NCK1: variants seen among roughly 807,000 people sequenced by gnomAD.
The protein encoded by NCK1 is SH2/SH3 adapter protein NCK1.
In NCK1, 19 loss-of-function variants were observed where a neutral mutation model predicts 36.6. That is an observed-to-expected ratio of 0.52 (90% CI 0.36 to 0.76). The LOEUF is 0.76. NCK1 is among the 30% of genes least tolerant of loss of function. NCK1 has a pLI of 0.00. For synonymous variants in NCK1, 165 were observed against 156.0 expected (o/e 1.06, Z -0.43); for missense variants, 358 against 445.6 (o/e 0.80, Z 1.77).
intron 1 of NCK1, among the ~76,000 whole-genome samples, chr3:136,878,656 A>G (rs866247016): frequency 2.0e-5 from 3 of 151,976 alleles, no homozygotes; most frequent in Middle Eastern, 3.2e-3. Flanking sequence ...ATTGAATTGT[A>G]TACTTTAAAT....
At chr3:136,939,984 TG>T (rs1016028850) in intron 2 of NCK1, among the ~76,000 whole-genome samples, 1 of 151,958 alleles carries the variant, frequency 6.6e-6, no homozygotes, top group African/African-American at 2.4e-5. Flanking sequence ...CCTGAGTAGC[TG>T]GAACTACAGG....
At chr3:136,943,488 C>A (rs914433695) in intron 2 of NCK1, among the ~76,000 whole-genome samples, 1 of 152,214 alleles carries the variant, frequency 6.6e-6, no homozygotes, top group African/African-American at 2.4e-5. Context: ...GCAAAGAGAT[C>A]TGGGAACCTT....
chr3:136,923,392 A>G (rs1940162416), intron 1 of NCK1, among the ~76,000 whole-genome samples: 1 of 151,990 alleles, frequency 6.6e-6, no homozygotes, highest in South Asian at 2.1e-4. Flanking sequence ...CGTCTCCACT[A>G]AAAATACAAA....
At chr3:136,932,300 C>T (rs1413785881) in intron 2 of NCK1, among the ~76,000 whole-genome samples, 2 of 152,078 alleles carry the variant, frequency 1.3e-5, no homozygotes, top group Non-Finnish European at 2.9e-5. Context: ...TCAATCCCTG[C>T]AGCAACCCCA....
At chr3:136,888,512 C>T (rs945602211) in intron 1 of NCK1, among the ~76,000 whole-genome samples, 3 of 151,958 alleles carry the variant, frequency 2.0e-5, no homozygotes, top group South Asian at 2.1e-4. Flanking sequence ...AAGTGATTCT[C>T]CTGCCTCAGC....
At position 136,949,809 on chromosome 3, in the gene NCK1, G is replaced by A. The variant is rs534288766; in HGVS notation, c.*1356G>A. The A allele has an allele frequency of 7.4e-4, 111 of 150,912 alleles. No individual in the cohort carries two copies. The highest frequency in any genetic ancestry group is 7.3e-4 in the Admixed American group (11 of 14,992). The allele number at this position is 150,912 out of a possible 1,614,324, so 9.3% of individuals were successfully genotyped here. A position where few individuals can be genotyped will look rare whatever the true frequency, so the allele number is the denominator to read the frequency against. ...AGATATCTAATACGCCAGAATTACT[G>A]ATGGTAAAATTGAAGTTGTGTAACT... On this transcript the variant is annotated 3_prime_UTR_variant, in exon 4 of 4. Transcript: ENST00000481752.
Position 136,949,951 on chromosome 3 carries a change from A to C in NCK1, c.*1498A>C, listed in dbSNP as rs1439842870. The C allele has an allele frequency of 6.6e-6, 1 of 152,064 alleles. No individual in the cohort carries two copies. Among genetic ancestry groups the C allele is most frequent in the Non-Finnish European group, 1.5e-5 (1 of 67,942 alleles). 9.4% of individuals were successfully genotyped at this position (152,064 alleles called of 1,614,324 possible). ...TCCCACTAAGCAACAGAAGTGACCA[A>C]ATATAATTAAGACAAATTTTCATCT... On this transcript the variant is annotated 3_prime_UTR_variant, in exon 4 of 4. Coordinates refer to ENST00000481752, the MANE Select transcript of NCK1 (RefSeq NM_001291999.2).
At chr3:136,867,104 CTTTCTTTCTTTCTTTGTTTCTTTCT>C (rs1560028457) in intron 1 of NCK1, among the ~76,000 whole-genome samples, 390 of 31,786 alleles carry the variant, frequency 0.012, 24 homozygotes, top group Middle Eastern at 0.037. Flanking sequence ...TTCTTTCTTT[CTTTCTTTCTTTCTTTGTTTCTTTCT>C]TTCCTTCCTT....
chr3:136,942,221 T>C (rs1343962396), intron 2 of NCK1, among the ~76,000 whole-genome samples: 2 of 152,232 alleles, frequency 1.3e-5, no homozygotes, highest in African/African-American at 4.8e-5. Flanking sequence ...ATGTTCTCCT[T>C]CATTTTTGAA....
intron 1 of NCK1, among the ~76,000 whole-genome samples, chr3:136,870,599 T>C (rs1938585361): frequency 1.3e-5 from 2 of 152,048 alleles, no homozygotes; most frequent in Middle Eastern, 3.4e-3. Context: ...TTAGAATATT[T>C]AGTGTACAAC....
chr3:136,914,063 A>T (rs1939896888), intron 1 of NCK1, among the ~76,000 whole-genome samples: 1 of 152,238 alleles, frequency 6.6e-6, no homozygotes, highest in Admixed American at 6.5e-5. Flanking sequence ...ATGAAGAAAT[A>T]AAAATAAAAG....
At chr3:136,934,888 G>A (rs1488088768) in intron 2 of NCK1, among the ~76,000 whole-genome samples, 1 of 152,132 alleles carries the variant, frequency 6.6e-6, no homozygotes, top group African/African-American at 2.4e-5. Context: ...GACTAGTCAA[G>A]GTTAAGAAGA....
chr3:136,934,578 G>A (rs994960753), intron 2 of NCK1, among the ~76,000 whole-genome samples: 16 of 152,034 alleles, frequency 1.1e-4, no homozygotes, highest in African/African-American at 2.4e-5. Context: ...GCACCACCGC[G>A]CCTGTCCTGT....
At chr3:136,932,884 A>G (rs1035429403) in intron 2 of NCK1, among the ~76,000 whole-genome samples, 2 of 152,252 alleles carry the variant, frequency 1.3e-5, no homozygotes, top group Admixed American at 6.5e-5. Context: ...CTTTGGCCCC[A>G]TTCTCAACAC....
At chr3:136,901,249 C>T (rs1939533107) in intron 1 of NCK1, among the ~76,000 whole-genome samples, 2 of 147,770 alleles carry the variant, frequency 1.4e-5, no homozygotes, top group Admixed American at 1.3e-4. Flanking sequence ...TGGGATAAAT[C>T]TCACTTCATT....
Position 136,877,321 on chromosome 3 carries a change from A to T in NCK1, c.-19+14968A>T, listed in dbSNP as rs1376477008. On this transcript the variant is annotated intron_variant, in intron 1 of 3. Coordinates refer to ENST00000481752, the MANE Select transcript of NCK1 (RefSeq NM_001291999.2). Reference sequence around the variant, plus strand: ...TCTGACGTGTTGGAATTAAGCAAGAAATGGATTACCAAAAAAACTAGAAAA... The same window carrying T: ...TCTGACGTGTTGGAATTAAGCAAGATATGGATTACCAAAAAAACTAGAAAA... Among the ~76,000 whole-genome samples the T allele has an allele frequency of 2.6e-5, 4 of 152,328 alleles. No individual in the cohort carries two copies. In the East Asian group the frequency reaches 7.7e-4, roughly 29 times the overall value.
intron 1 of NCK1, among the ~76,000 whole-genome samples, chr3:136,918,342 G>GAA (rs71626032): frequency 2.7e-5 from 4 of 149,526 alleles, no homozygotes; most frequent in Non-Finnish European, 5.9e-5. Context: ...AAATATTCTG[G>GAA]AAAAAAAAAT....
chr3:136,889,778 T>C (rs966872207), intron 1 of NCK1, among the ~76,000 whole-genome samples: 1 of 152,124 alleles, frequency 6.6e-6, no homozygotes, highest in African/African-American at 2.4e-5. Context: ...GGAGTGTCGA[T>C]TGGTGCATTC....
rs1349747000 is a variant in NCK1 at position 136,909,600 on chromosome 3, C to A, written c.-18-18384C>A. 2.0e-5 allele frequency among the ~76,000 whole-genome samples: 3 copies of A among 152,140 alleles called. No individual in the cohort carries two copies. The East Asian group carries it at 5.8e-4, about 29-fold the overall frequency. On this transcript the variant is annotated intron_variant, in intron 1 of 3. Coordinates refer to ENST00000481752, the MANE Select transcript of NCK1 (RefSeq NM_001291999.2). ...TGTTGTTGGATAGTGTTCTCTGATA[C>A]AGCTAATTGGTTTATAGTATTAAGT...
Sources: gnomAD v4.1 joint callset for allele counts (sites outside exome capture counted in the v4.1 genomes callset) on GRCh38, gnomAD v4.1.1 for gene constraint, MANE v1.5 for transcripts, NCBI Gene and HGNC (gene_info 2026-07-23, HGNC 2026-07-21) for gene names.